TMLHE: variants seen among roughly 807,000 people sequenced by gnomAD.
The protein encoded by TMLHE is trimethyllysine hydroxylase, epsilon, also known as trimethyllysine dioxygenase, mitochondrial.
Under a neutral mutation model 25.7 loss-of-function variants are expected in TMLHE, and 18 were observed. That is an observed-to-expected ratio of 0.70 (90% CI 0.48 to 1.04). TMLHE has a LOEUF of 1.04. Ranked by LOEUF, TMLHE falls within the 50% of genes least tolerant of loss-of-function variation. The pLI, the probability that TMLHE is intolerant of heterozygous loss-of-function variation, is 0.00. For synonymous variants in TMLHE, 105 were observed against 97.0 expected, an observed-to-expected ratio of 1.08 and a Z score of -0.49; for missense variants, 236 against 259.0, an observed-to-expected ratio of 0.91 and a Z score of 0.61.
At chrX:155,530,123 A>G (rs1215225714) in intron 2 of TMLHE, among the ~76,000 whole-genome samples, 1 of 112,210 alleles carries the variant, frequency 8.9e-6, no homozygotes, top group Non-Finnish European at 1.9e-5. Context: ...CTGCACTTCC[A>G]TGTTCATTGC....
chrX:155,568,561 G>A lies in TMLHE; in HGVS notation c.-1-23284C>T, dbSNP rs1288841563. Among the ~76,000 whole-genome samples the A allele has an allele frequency of 3.1e-4, 19 of 62,287 alleles. 3 individuals carry two copies. Among genetic ancestry groups the A allele is most frequent in the African/African-American group, 6.1e-4 (17 of 27,868 alleles). The allele number at this position is 62,287 out of a possible 115,157, so 54.1% of individuals were successfully genotyped here. On this transcript the variant is annotated intron_variant, in intron 1 of 7. Coordinates refer to ENST00000334398, the MANE Select transcript of TMLHE (RefSeq NM_018196.4). ...TGGGTCCCTGACCCCTGACCCCCGA[G>A]CAGCCTAACTGGGAGGCACCCCCCA...
At chrX:155,590,509 G>A (rs1452377751) in intron 1 of TMLHE, among the ~76,000 whole-genome samples, 2 of 111,056 alleles carry the variant, frequency 1.8e-5, no homozygotes, top group Admixed American at 9.6e-5. Flanking sequence ...GTATTTGGGG[G>A]TTTATATCAC....
At chrX:155,578,079 G>A (rs2067602544) in intron 1 of TMLHE, among the ~76,000 whole-genome samples, 1 of 111,462 alleles carries the variant, frequency 9.0e-6, no homozygotes, top group Admixed American at 9.5e-5. Context: ...AGATGGGGGA[G>A]GCCTGGCACT....
chrX:155,522,014 A>T (rs113894803), intron 3 of TMLHE, among the ~76,000 whole-genome samples: 1 of 110,117 alleles, frequency 9.1e-6, no homozygotes, highest in Admixed American at 9.6e-5. Flanking sequence ...TGTACACCGG[A>T]GCTGTTCCTA....
chrX:155,599,978 T>A (rs1432328971), intron 1 of TMLHE, among the ~76,000 whole-genome samples: 4 of 111,457 alleles, frequency 3.6e-5, no homozygotes, highest in Non-Finnish European at 7.5e-5. Flanking sequence ...CTGCCTAAAC[T>A]TTTTAATATT....
At chrX:155,515,993 G>T (rs1485166498) in intron 3 of TMLHE, among the ~76,000 whole-genome samples, 1 of 92,766 alleles carries the variant, frequency 1.1e-5, no homozygotes, top group African/African-American at 3.8e-5. Flanking sequence ...TTTTTCTATT[G>T]GAACAATTGT....
chrX:155,574,905 T>C (rs1363698009), intron 1 of TMLHE, among the ~76,000 whole-genome samples: 1 of 112,093 alleles, frequency 8.9e-6, no homozygotes, highest in Non-Finnish European at 1.9e-5. Context: ...GATAACTTGA[T>C]CTGTAGAACA....
At chrX:155,576,355 A>G (rs2067589152) in intron 1 of TMLHE, among the ~76,000 whole-genome samples, 1 of 111,966 alleles carries the variant, frequency 8.9e-6, no homozygotes, top group African/African-American at 3.2e-5. Context: ...CAAAGAAATC[A>G]TAGATGACAC....
chrX:155,547,257 G>C (rs2067354158), intron 1 of TMLHE, among the ~76,000 whole-genome samples: 1 of 89,695 alleles, frequency 1.1e-5, no homozygotes, highest in Admixed American at 1.3e-4. Flanking sequence ...CCATTCTCCT[G>C]CCTCAGCCTC....
At chrX:155,557,459 A>C (rs1030214256) in intron 1 of TMLHE, among the ~76,000 whole-genome samples, 7 of 112,266 alleles carry the variant, frequency 6.2e-5, no homozygotes, top group Non-Finnish European at 5.6e-5. Flanking sequence ...AGTTTGTGGT[A>C]ATTTGATATG....
chrX:155,539,023 T>C (rs1172760495), intron 2 of TMLHE, among the ~76,000 whole-genome samples: 1 of 111,228 alleles, frequency 9.0e-6, no homozygotes, highest in African/African-American at 3.3e-5. Flanking sequence ...AGTTAAAAGG[T>C]TGCTGCACCC....
chrX:155,550,149 G>C (rs986892034), intron 1 of TMLHE, among the ~76,000 whole-genome samples: 1 of 110,597 alleles, frequency 9.0e-6, no homozygotes, highest in Non-Finnish European at 1.9e-5. Context: ...TTGTTTCCAA[G>C]TCTTTGCTAT....
rs782121512 is a variant in TMLHE at position 155,545,271 on chromosome X, C to A, written c.6G>T (p.Trp2Cys). Reference sequence around the variant, plus strand: ...TGTGTAGGTGGGACAATCTGTGGTACCACATCCTAGAAGATTGGATAATAA... The same window carrying A: ...TGTGTAGGTGGGACAATCTGTGGTAACACATCCTAGAAGATTGGATAATAA... MWYHRLSHLHSR... is the reference protein window; with the variant it reads MCYHRLSHLHSR... The change falls in exon 2 of 8, where the codon TGG becomes TGT. Residue 2 changes from tryptophan (W) to cysteine (C), a missense_variant. Physicochemically the swap from Trp to Cys is radical, Grantham distance 215. This residue lies in a region of TMLHE where 217 missense variants were observed against 214.6 expected (regional missense o/e 1.01). Coordinates refer to ENST00000334398, the MANE Select transcript of TMLHE (RefSeq NM_018196.4). 1 of 1,187,696 alleles carries A rather than the reference C, an allele frequency of 8.4e-7. No homozygotes were observed. The highest frequency in any genetic ancestry group is 1.1e-6 in the Non-Finnish European group (1 of 885,283).
At position 155,507,053 on chromosome X, in the gene TMLHE, C is replaced by G; in HGVS notation, c.840G>C (p.Gln280His). ...ATTCCTCAGGTGCCTTTTGAAGTAC[C>G]TGTTCTGCTGCATAGAATCCATCTA... ...LLVDGFYAAE[Q>H]VLQKAPEEFE... is the part of the protein sequence containing the mutation. Residue 280 changes from glutamine (Q) to histidine (H), a missense_variant, in exon 6 of 8, where the codon CAG becomes CAC. Gln to His is a conservative substitution (Grantham distance 24). Coordinates refer to ENST00000334398, the MANE Select transcript of TMLHE (RefSeq NM_018196.4). 1 of 1,210,119 alleles carries G rather than the reference C, an allele frequency of 8.3e-7. No homozygotes were observed. The highest frequency in any genetic ancestry group is 1.1e-6 in the Non-Finnish European group (1 of 894,464).
In TMLHE at chrX:155,543,267, G is replaced by C. The variant is rs782623048; in HGVS notation, c.181+1829C>G. Reference sequence around the variant, plus strand: ...GAAAGAAAGAGATGAAATTGTCTCTGTTCACTGATGAAATAATCTTATATA... The same window carrying C: ...GAAAGAAAGAGATGAAATTGTCTCTCTTCACTGATGAAATAATCTTATATA... On this transcript the variant is annotated intron_variant, in intron 2 of 7. Coordinates refer to ENST00000334398, the MANE Select transcript of TMLHE (RefSeq NM_018196.4). Among the ~76,000 whole-genome samples the C allele has an allele frequency of 2.7e-5, 3 of 111,446 alleles. No homozygotes were observed. In the South Asian group the frequency reaches 1.1e-3, roughly 42 times the overall value.
At chrX:155,605,388 C>T (rs965514507) in intron 1 of TMLHE, among the ~76,000 whole-genome samples, 7 of 111,798 alleles carry the variant, frequency 6.3e-5, no homozygotes, top group Non-Finnish European at 9.4e-5. Context: ...AAGCTAACAG[C>T]GACCTTTCAG....
chrX:155,576,483 A>G (rs782258571), intron 1 of TMLHE, among the ~76,000 whole-genome samples: 1 of 112,074 alleles, frequency 8.9e-6, no homozygotes, highest in South Asian at 3.7e-4. Flanking sequence ...TACCAATGAC[A>G]TTCTTCACAT....
In TMLHE at chrX:155,582,886, G is replaced by A. The variant is rs190878736; in HGVS notation, c.-2+29906C>T. ...ACACATGCACATGTATGTTTATTGC[G>A]AAACTATTCACAATAGCAAAGACTT... On this transcript the variant is annotated intron_variant, in intron 1 of 7. Coordinates refer to ENST00000334398, the MANE Select transcript of TMLHE (RefSeq NM_018196.4). Among the ~76,000 whole-genome samples the A allele has an allele frequency of 6.9e-3, 774 of 111,972 alleles. 6 individuals are homozygous for A. Among genetic ancestry groups the A allele is most frequent in the African/African-American group, 0.024 (732 of 30,808 alleles).
intron 6 of TMLHE, among the ~76,000 whole-genome samples, chrX:155,506,280 G>C (rs1557332646): frequency 9.0e-6 from 1 of 111,358 alleles, no homozygotes; most frequent in African/African-American, 3.3e-5. Flanking sequence ...TAGATAGAAA[G>C]CAGGGGATAG....
Sources: gnomAD v4.1 joint callset for allele counts (sites outside exome capture counted in the v4.1 genomes callset) on GRCh38, gnomAD v4.1.1 for gene constraint, gnomAD v4.1.1 regional missense constraint, MANE v1.5 for transcripts, NCBI Gene and HGNC (gene_info 2026-07-23, HGNC 2026-07-21) for gene names.